The following SHISA6 variants were observed in gnomAD, a reference collection of about 807,000 sequenced individuals.
SHISA6 encodes the protein shisa family member 6, also known as protein shisa-6.
In SHISA6, 22 loss-of-function variants were observed where a neutral mutation model predicts 47.9. The ratio of observed to expected loss-of-function variants is 0.46; its 90% confidence interval spans 0.33 to 0.66. The LOEUF (loss-of-function observed/expected upper bound fraction) is 0.66, where lower values mean the gene tolerates loss of function less well. Among genes scored for constraint, SHISA6 ranks in the 30% least tolerant of loss-of-function variants. The probability of loss-of-function intolerance (pLI) is 0.02; values close to 1 mark genes in which losing one functional copy is unlikely to be tolerated. For synonymous variants in SHISA6, 388 were observed against 337.8 expected, an observed-to-expected ratio of 1.15 and a Z score of -1.63; for missense variants, 680 against 764.6, an observed-to-expected ratio of 0.89 and a Z score of 1.30.
intron 2 of SHISA6, among the ~76,000 whole-genome samples, chr17:11,293,463 T>G (rs959244942): frequency 6.6e-6 from 1 of 152,182 alleles, no homozygotes; most frequent in African/African-American, 2.4e-5. Flanking sequence ...GAACAGGCTT[T>G]GGGAGAACAT....
At chr17:11,289,967 C>T (rs545453847) in intron 2 of SHISA6, 11 of 152,188 alleles carry the variant, frequency 7.2e-5, no homozygotes, top group African/African-American at 2.2e-4. Context: ...AAGTTCTTCT[C>T]TAACAGTAGG....
At chr17:11,394,794 T>C (rs948323516) in intron 3 of SHISA6, among the ~76,000 whole-genome samples, 3 of 152,098 alleles carry the variant, frequency 2.0e-5, no homozygotes, top group Admixed American at 1.3e-4. Context: ...TTAACACATT[T>C]GGTTTATCAT....
rs57696970 is a variant in SHISA6, at chr17:11,319,074, GT to G, written c.799+55566del. Among the ~76,000 whole-genome samples the G allele has an allele frequency of 3.4e-3, 458 of 134,068 alleles. 3 individuals carry two copies. The highest frequency in any genetic ancestry group is 0.012 in the Middle Eastern group (3 of 250). The allele number at this position is 134,068 out of a possible 152,430, so 88.0% of individuals were successfully genotyped here. A position where few individuals can be genotyped will look rare whatever the true frequency, so the allele number is the denominator to read the frequency against. The stretch of plus-strand genomic sequence containing the variant: ...TTCTAAGACCTGTATTTCTTCTTAT[GT>G]TTTTTTTTTTTTTTTTTCCTTGAGA... On this transcript the variant is annotated intron_variant, in intron 2 of 5. Coordinates refer to ENST00000441885, the MANE Select transcript of SHISA6 (RefSeq NM_207386.4).
At chr17:11,455,017 A>C (rs1915498732) in intron 3 of SHISA6, among the ~76,000 whole-genome samples, 1 of 151,868 alleles carries the variant, frequency 6.6e-6, no homozygotes, top group African/African-American at 2.4e-5. Flanking sequence ...AAAATACAAA[A>C]AAATAGCTGG....
chr17:11,341,989 C>T (rs796474301), intron 2 of SHISA6, among the ~76,000 whole-genome samples: 11 of 152,258 alleles, frequency 7.2e-5, no homozygotes, highest in African/African-American at 1.2e-4. Flanking sequence ...ACCCTCTCTG[C>T]ACCTCCCCAT....
chr17:11,293,693 G>A (rs566832112), intron 2 of SHISA6, among the ~76,000 whole-genome samples: 46 of 152,206 alleles, frequency 3.0e-4, no homozygotes, highest in Non-Finnish European at 5.6e-4. Context: ...GTATGATCTC[G>A]ATGGATATCT....
At chr17:11,557,488 T>C (rs958562564) in intron 5 of SHISA6, among the ~76,000 whole-genome samples, 2 of 152,178 alleles carry the variant, frequency 1.3e-5, no homozygotes, top group Non-Finnish European at 2.9e-5. Context: ...ACCTGGGAGC[T>C]TGTTAGAGAT....
chr17:11,411,280 A>G (rs115348519), intron 3 of SHISA6, among the ~76,000 whole-genome samples: 203 of 150,904 alleles, frequency 1.3e-3, no homozygotes, highest in African/African-American at 4.6e-3. Flanking sequence ...AATTCTGTCT[A>G]TTCAGCCTCT....
At chr17:11,520,081 T>C (rs1335228031) in intron 3 of SHISA6, among the ~76,000 whole-genome samples, 1 of 152,182 alleles carries the variant, frequency 6.6e-6, no homozygotes, top group African/African-American at 2.4e-5. Flanking sequence ...AAATACAGTC[T>C]CCATGTGGAT....
chr17:11,251,773 T>G (rs937418300), intron 1 of SHISA6, among the ~76,000 whole-genome samples: 1 of 152,156 alleles, frequency 6.6e-6, no homozygotes, highest in East Asian at 1.9e-4. Flanking sequence ...TTCCCTGTGA[T>G]TCTCTGTTTC....
intron 2 of SHISA6, among the ~76,000 whole-genome samples, chr17:11,270,214 G>A (rs1908587233): frequency 2.0e-5 from 3 of 152,312 alleles, no homozygotes; most frequent in African/African-American, 7.2e-5. Flanking sequence ...GAGCTCGTGA[G>A]CTGCTCGCCT....
At chr17:11,545,269 C>T (rs1032716968) in intron 3 of SHISA6, among the ~76,000 whole-genome samples, 4 of 152,126 alleles carry the variant, frequency 2.6e-5, no homozygotes. Context: ...GAATTACACT[C>T]GCTGAAAGAA....
chr17:11,507,079 C>G (rs1295071898), intron 3 of SHISA6, among the ~76,000 whole-genome samples: 1 of 152,188 alleles, frequency 6.6e-6, no homozygotes, highest in Non-Finnish European at 1.5e-5. Flanking sequence ...AGTTACTCGG[C>G]CTGTCCTACC....
intron 2 of SHISA6, among the ~76,000 whole-genome samples, chr17:11,277,280 T>TCTCTCTCTCTCTCTCTCTCTCTCTCA (rs1386997909): frequency 3.7e-5 from 2 of 53,858 alleles, no homozygotes; most frequent in Admixed American, 2.8e-4. Flanking sequence ...TCTCTCTCTC[T>TCTCTCTCTCTCTCTCTCTCTCTCTCA]CACACACACA....
intron 3 of SHISA6, among the ~76,000 whole-genome samples, chr17:11,387,636 T>C (rs1316784095): frequency 6.6e-6 from 1 of 152,106 alleles, no homozygotes; most frequent in Non-Finnish European, 1.5e-5. Flanking sequence ...GAAGCAAGGA[T>C]AAGAGCCTTA....
At position 11,441,648 on chromosome 17, in the gene SHISA6, A is replaced by C. The variant is rs532755090; in HGVS notation, c.895+62139A>C. ...GTTGTTAGTAGTGAGTGGGGAGGAAAAGATAGTTCTAGATTTGAGATTGAA... is the reference window on the plus strand; with the variant it reads ...GTTGTTAGTAGTGAGTGGGGAGGAACAGATAGTTCTAGATTTGAGATTGAA... On this transcript the variant is annotated intron_variant, in intron 3 of 5. Transcript: ENST00000441885. Among the ~76,000 whole-genome samples, 19 of 152,308 alleles carry C rather than the reference A, an allele frequency of 1.2e-4. No individual in the cohort carries two copies. The South Asian group carries it at 3.9e-3, about 32-fold the overall frequency.
At chr17:11,295,987 CAG>C (rs1909740451) in intron 2 of SHISA6, among the ~76,000 whole-genome samples, 2 of 137,210 alleles carry the variant, frequency 1.5e-5, no homozygotes, top group African/African-American at 5.4e-5. Flanking sequence ...AAAAAAAAGT[CAG>C]GGGAGAACAT....
At chr17:11,510,347 G>T (rs1200709213) in intron 3 of SHISA6, among the ~76,000 whole-genome samples, 3 of 152,078 alleles carry the variant, frequency 2.0e-5, no homozygotes, top group African/African-American at 7.2e-5. Context: ...AGTGGTCCTG[G>T]GTCCTGGGTA....
intron 3 of SHISA6, among the ~76,000 whole-genome samples, chr17:11,551,447 C>CA (rs1248476247): frequency 1.3e-5 from 2 of 152,274 alleles, no homozygotes; most frequent in Non-Finnish European, 2.9e-5. Context: ...AGGGACAAAT[C>CA]AGAGTCCTGT....
Sources: allele counts gnomAD v4.1 joint callset (sites outside exome capture counted in the v4.1 genomes callset), GRCh38; gene constraint gnomAD v4.1.1; transcripts MANE v1.5; gene names NCBI Gene and HGNC (gene_info 2026-07-23, HGNC 2026-07-21).